The following ZFYVE9 variants were observed in gnomAD, a reference collection of about 807,000 sequenced individuals.
The protein encoded by ZFYVE9 is zinc finger FYVE domain-containing protein 9.
In ZFYVE9, 43 loss-of-function variants were observed where a neutral mutation model predicts 126.7. That is an observed-to-expected ratio of 0.34 (90% CI 0.27 to 0.44). The LOEUF is 0.44. Among genes scored for constraint, ZFYVE9 ranks in the 20% least tolerant of loss-of-function variants. ZFYVE9 has a pLI of 1.00. For synonymous variants in ZFYVE9, 521 were observed against 597.4 expected (o/e 0.87, Z 1.87); for missense variants, 1,476 against 1,697.0 (o/e 0.87, Z 2.29).
At position 52,263,841 on chromosome 1, in the gene ZFYVE9, G is replaced by A; in HGVS notation, c.2247G>A (p.Val749=). The A allele has an allele frequency of 3.2e-6, 5 of 1,580,488 alleles. No homozygotes were observed. Among genetic ancestry groups the A allele is most frequent in the Non-Finnish European group, 4.3e-6 (5 of 1,160,706 alleles). The change falls in exon 5 of 19, where the codon GTG becomes GTA. Residue 749 remains valine (V), a synonymous_variant. Coordinates refer to ENST00000287727, the MANE Select transcript of ZFYVE9 (RefSeq NM_004799.4). ...ACATGGACAGAAAGGAAGCTAGAGT[G>A]TGTGTAATCTGCCATTCAGTGCTAA... ...LLYMDRKEAR[V]CVICHSVLMN...
intron 1 of ZFYVE9, among the ~76,000 whole-genome samples, chr1:52,158,831 C>T (rs1043853607): frequency 6.6e-6 from 1 of 150,458 alleles, no homozygotes; most frequent in Non-Finnish European, 1.5e-5. Flanking sequence ...GAAACTGAGT[C>T]ACCCAGGTTG....
chr1:52,267,234 T>G (rs1324125424), intron 6 of ZFYVE9, among the ~76,000 whole-genome samples: 2 of 152,200 alleles, frequency 1.3e-5, no homozygotes, highest in Non-Finnish European at 2.9e-5. Flanking sequence ...CCCATTCAAG[T>G]ATTGCTTTTT....
chr1:52,175,625 G>T (rs186553737), intron 1 of ZFYVE9, among the ~76,000 whole-genome samples: 114 of 151,946 alleles, frequency 7.5e-4, no homozygotes, highest in African/African-American at 2.6e-3. Context: ...CATTCTCCCC[G>T]TCACTTTCAG....
In ZFYVE9 at chr1:52,327,205, A is replaced by G. The variant is rs563847857; in HGVS notation, c.3439-5563A>G. 2.6e-5 allele frequency among the ~76,000 whole-genome samples: 4 copies of G among 152,282 alleles called. 1 individual carries two copies. Among genetic ancestry groups the G allele is most frequent in the South Asian group, 4.1e-4 (2 of 4,820 alleles). ...ACTGTTGGTCTTGCAATTAAGCATT[A>G]TTCAAGGTTGAATGTGAATGATGGC... On this transcript the variant is annotated intron_variant, in intron 13 of 18. Transcript: ENST00000287727.
intron 2 of ZFYVE9, among the ~76,000 whole-genome samples, chr1:52,220,825 A>T (rs1356813209): frequency 6.6e-6 from 1 of 152,148 alleles, no homozygotes. Flanking sequence ...GGAGGGGGAA[A>T]CAAAGGGATA....
chr1:52,246,402 G>T (rs1645384146), intron 4 of ZFYVE9, among the ~76,000 whole-genome samples: 1 of 152,080 alleles, frequency 6.6e-6, no homozygotes, highest in East Asian at 1.9e-4. Flanking sequence ...TAACATTTGA[G>T]AATTTAGATG....
At position 52,211,338 on chromosome 1, in the gene ZFYVE9, G is replaced by C. The variant is rs574136363; in HGVS notation, c.-142-5031G>C. 7.2e-5 allele frequency among the ~76,000 whole-genome samples: 11 copies of C among 152,170 alleles called. No individual in the cohort carries two copies. The East Asian group carries it at 2.1e-3, about 29-fold the overall frequency. On this transcript the variant is annotated intron_variant, in intron 1 of 18. Coordinates refer to ENST00000287727, the MANE Select transcript of ZFYVE9 (RefSeq NM_004799.4). ...GTGACACCTGAGTCACAGGTGCTAC[G>C]TCACAATCACATTAAAAAATCATGT... is the stretch of plus-strand genomic sequence containing the variant.
intron 1 of ZFYVE9, among the ~76,000 whole-genome samples, chr1:52,210,704 G>A (rs908934569): frequency 6.6e-6 from 1 of 152,166 alleles, no homozygotes; most frequent in Non-Finnish European, 1.5e-5. Flanking sequence ...GCCCAGGCTG[G>A]AGTGCAGTGG....
chr1:52,239,758 C>T (rs1645315148), intron 4 of ZFYVE9, among the ~76,000 whole-genome samples, 163 bp downstream of exon 4: 1 of 152,102 alleles, frequency 6.6e-6, no homozygotes, highest in Non-Finnish European at 1.5e-5. Flanking sequence ...AAAATGATGT[C>T]ACTGATTCTT....
intron 8 of ZFYVE9, among the ~76,000 whole-genome samples, chr1:52,277,746 T>TA (rs1412395497): frequency 1.3e-5 from 2 of 152,200 alleles, no homozygotes; most frequent in African/African-American, 4.8e-5. Context: ...CAGTGATTAT[T>TA]ACGCATGATT....
intron 14 of ZFYVE9, among the ~76,000 whole-genome samples, 165 bp downstream of exon 14, chr1:52,333,083 G>A (rs1348895111): frequency 6.6e-6 from 1 of 152,022 alleles, no homozygotes; most frequent in Non-Finnish European, 1.5e-5. Context: ...TCCCCAAGTG[G>A]CCAGACTCAG....
intron 1 of ZFYVE9, among the ~76,000 whole-genome samples, chr1:52,209,373 CTT>C (rs1368926864): frequency 6.6e-6 from 1 of 152,208 alleles, no homozygotes; most frequent in African/African-American, 2.4e-5. Flanking sequence ...ATAAAATTCA[CTT>C]TTAAAGCACA....
chr1:52,164,095 A>G (rs904926062), intron 1 of ZFYVE9, among the ~76,000 whole-genome samples: 1 of 148,496 alleles, frequency 6.7e-6, no homozygotes, highest in South Asian at 2.1e-4. Context: ...GGGACTATAG[A>G]TGCGCACCAC....
chr1:52,323,006 G>A (rs1014890970), intron 13 of ZFYVE9, among the ~76,000 whole-genome samples: 4 of 151,652 alleles, frequency 2.6e-5, no homozygotes, highest in Non-Finnish European at 5.9e-5. Context: ...GGGTTTCACC[G>A]TGTTAGCCAG....
At chr1:52,233,077 A>C (rs1572120434) in intron 2 of ZFYVE9, 94 bp from the exon 3 acceptor site, 1 of 453,580 alleles carries the variant, frequency 2.2e-6, no homozygotes, top group East Asian at 4.4e-5. Flanking sequence ...CATTATCTGG[A>C]AAGATTTATA....
In ZFYVE9 at chr1:52,238,684, C is replaced by G. The variant is rs772186799; in HGVS notation, c.1267C>G (p.Leu423Val). Residue 423 changes from leucine (L) to valine (V), a missense_variant, in exon 4 of 19, where the codon CTA becomes GTA. This residue lies in a region of ZFYVE9 where 807 missense variants were observed against 794.6 expected (regional missense o/e 1.02). Transcript: ENST00000287727. Reference sequence around the variant, plus strand: ...AGTAAACGAAGAAAAGGAAAAGTTTCTACAGATTAGTCAGCCTGAGGACAC... The same window carrying G: ...AGTAAACGAAGAAAAGGAAAAGTTTGTACAGATTAGTCAGCCTGAGGACAC... The part of the protein sequence containing the change: ...SQVNEEKEKF[L>V]QISQPEDTNG... 8 of 1,614,046 alleles carry G rather than the reference C, an allele frequency of 5.0e-6. No individual in the cohort carries two copies. In the South Asian group the frequency reaches 8.8e-5, roughly 18 times the overall value.
chr1:52,252,750 G>C (rs12040360), intron 4 of ZFYVE9: 12,111 of 467,402 alleles, frequency 0.026, 395 homozygotes, highest in East Asian at 0.12. Flanking sequence ...TGGTCAGTCC[G>C]ACTGCTACCA....
chr1:52,225,362 C>T (rs1436278131), intron 2 of ZFYVE9, among the ~76,000 whole-genome samples: 1 of 152,146 alleles, frequency 6.6e-6, no homozygotes, highest in Non-Finnish European at 1.5e-5. Context: ...CTGGACAAGC[C>T]CCCAGATTTG....
intron 13 of ZFYVE9, among the ~76,000 whole-genome samples, chr1:52,321,931 A>G (rs948355927): frequency 1.1e-4 from 16 of 152,288 alleles, no homozygotes; most frequent in African/African-American, 2.9e-4. Context: ...ATCCAGTTCT[A>G]TGGGCTTAAA....
Sources: allele counts gnomAD v4.1 joint callset (sites outside exome capture counted in the v4.1 genomes callset), GRCh38; gene constraint gnomAD v4.1.1; regional missense constraint gnomAD v4.1.1; transcripts MANE v1.5; gene names NCBI Gene and HGNC (gene_info 2026-07-23, HGNC 2026-07-21).